The following GPHN variants were observed in gnomAD, a reference collection of about 807,000 sequenced individuals.
GPHN encodes gephyrin.
In GPHN, 17 loss-of-function variants were observed where a neutral mutation model predicts 95.5. The observed-to-expected ratio is 0.18, with a 90% CI of 0.12 to 0.27. The LOEUF is 0.27. Among genes scored for constraint, GPHN ranks in the 10% least tolerant of loss-of-function variants. GPHN has a pLI of 1.00. For synonymous variants in GPHN, 320 were observed against 322.5 expected (o/e 0.99, Z 0.08); for missense variants, 660 against 978.1 (o/e 0.67, Z 4.34).
At chr14:67,343,261 A>G in the GPHN span, 1 of 758,354 alleles carries the variant, frequency 1.3e-6, no homozygotes, top group Non-Finnish European at 2.1e-6. Context: ...GGGCAAGGGA[A>G]GCATCTTATT....
At chr14:67,401,206 G>T in the GPHN span, among the ~76,000 whole-genome samples, 7 of 152,010 alleles carry the variant, frequency 4.6e-5, no homozygotes, top group African/African-American at 1.4e-4. Flanking sequence ...GGTGATTTAG[G>T]TTGGCTGCGG....
intron 1 of GPHN, among the ~76,000 whole-genome samples, chr14:66,665,279 C>T (rs555618203): frequency 1.3e-5 from 2 of 152,170 alleles, no homozygotes; most frequent in East Asian, 3.9e-4. Context: ...AAAGATAAAT[C>T]GAGCTTTATC....
chr14:66,558,631 T>C (rs185679563), intron 1 of GPHN, among the ~76,000 whole-genome samples: 38 of 152,328 alleles, frequency 2.5e-4, no homozygotes, highest in African/African-American at 7.0e-4. Context: ...ACTTTACTTT[T>C]TAATTGCTTA....
intron 5 of GPHN, among the ~76,000 whole-genome samples, chr14:66,892,618 A>T (rs2064575425): frequency 6.6e-6 from 1 of 152,246 alleles, no homozygotes. Flanking sequence ...TTGCTACAAC[A>T]TAAATGAATC....
chr14:67,396,151 TTTTG>T, the GPHN span, among the ~76,000 whole-genome samples: 5 of 151,890 alleles, frequency 3.3e-5, no homozygotes, highest in African/African-American at 1.2e-4. Flanking sequence ...TTGTTTTGTT[TTTTG>T]TTTTTTTCTT....
chr14:66,862,527 TAAGA>T (rs942418336), intron 4 of GPHN, among the ~76,000 whole-genome samples: 43 of 151,976 alleles, frequency 2.8e-4, no homozygotes, highest in African/African-American at 1.0e-3. Flanking sequence ...CCAAGACATG[TAAGA>T]AAGAAAAGAA....
At chr14:67,525,819 G>A in the GPHN span, among the ~76,000 whole-genome samples, 4 of 152,274 alleles carry the variant, frequency 2.6e-5, no homozygotes, top group African/African-American at 9.6e-5. Context: ...AGTGTCTTTT[G>A]TTCCAGAGAT....
chr14:66,682,729 G>A (rs895773922), intron 2 of GPHN, among the ~76,000 whole-genome samples: 4 of 152,078 alleles, frequency 2.6e-5, no homozygotes, highest in Non-Finnish European at 5.9e-5. Context: ...CAGCCTGGGC[G>A]ACAGAGCGAG....
chr14:66,665,337 T>G (rs2065889307), intron 1 of GPHN, among the ~76,000 whole-genome samples: 3 of 152,164 alleles, frequency 2.0e-5, no homozygotes, highest in African/African-American at 4.8e-5. Context: ...AGAAAATTTT[T>G]GCAATCTACT....
intron 6 of GPHN, among the ~76,000 whole-genome samples, chr14:66,920,081 A>AC (rs1252444960): frequency 1.3e-5 from 2 of 152,080 alleles, no homozygotes. Context: ...AAACAAACAA[A>AC]AAAAAATGGT....
At chr14:66,872,821 G>A (rs1231416278) in intron 4 of GPHN, among the ~76,000 whole-genome samples, 2 of 151,738 alleles carry the variant, frequency 1.3e-5, no homozygotes, top group African/African-American at 4.8e-5. Context: ...CTTGAACCCG[G>A]GAGACGGAGT....
chr14:67,608,084 A>C, the GPHN span, among the ~76,000 whole-genome samples: 3 of 151,978 alleles, frequency 2.0e-5, no homozygotes, highest in Non-Finnish European at 1.5e-5. Context: ...CAAAAAAAAA[A>C]ATCAAAAAAA....
chr14:66,667,855 A>G (rs1270873792), intron 1 of GPHN, among the ~76,000 whole-genome samples: 1 of 152,220 alleles, frequency 6.6e-6, no homozygotes, highest in Non-Finnish European at 1.5e-5. Context: ...TAAATAGACA[A>G]CCTACACAAT....
chr14:67,047,326 GTGTGTGTT>G (rs764758246), intron 10 of GPHN, among the ~76,000 whole-genome samples: 1,211 of 95,548 alleles, frequency 0.013, 15 homozygotes, highest in Non-Finnish European at 0.02. Context: ...TTTTGTGTGT[GTGTGTGTT>G]TGTGTGTGTG....
the GPHN span, among the ~76,000 whole-genome samples, chr14:67,324,295 A>G: frequency 1.3e-5 from 2 of 152,216 alleles, no homozygotes; most frequent in Admixed American, 1.3e-4. Context: ...GAGGTAGTCC[A>G]TGTCATATTA....
intron 4 of GPHN, among the ~76,000 whole-genome samples, chr14:66,837,612 TAAAAATAA>T (rs954105560): frequency 1.6e-5 from 2 of 126,872 alleles, no homozygotes; most frequent in South Asian, 2.4e-4. Flanking sequence ...AATAAATAAA[TAAAAATAA>T]ATAAATAAAT....
the GPHN span, chr14:67,575,535 T>G: frequency 9.5e-7 from 1 of 1,058,088 alleles, no homozygotes; most frequent in East Asian, 2.5e-5. Flanking sequence ...TGACTGCCAC[T>G]CTATGTCCTG....
chr14:66,530,677 G>A lies in GPHN; in HGVS notation c.64+22086G>A, dbSNP rs984048359. ...GAGCCTGAGTGCACAGTTCCTTACAGCACAGTCCCTCAGGGCTTCCCTTGG... is the reference window on the plus strand; with the variant it reads ...GAGCCTGAGTGCACAGTTCCTTACAACACAGTCCCTCAGGGCTTCCCTTGG... On this transcript the variant is annotated intron_variant, in intron 1 of 22. Transcript: ENST00000478722. Among the ~76,000 whole-genome samples, 3 of 152,104 alleles carry A rather than the reference G, an allele frequency of 2.0e-5. No homozygotes were observed. In the South Asian group the frequency reaches 6.2e-4, roughly 32 times the overall value.
intron 11 of GPHN, among the ~76,000 whole-genome samples, chr14:67,071,147 G>T (rs1480274640): frequency 3.3e-5 from 5 of 152,120 alleles, no homozygotes; most frequent in Admixed American, 6.5e-5. Flanking sequence ...ATACCCAAAG[G>T]ATTATAAATG....
Sources: gnomAD v4.1 joint callset for allele counts (sites outside exome capture counted in the v4.1 genomes callset) on GRCh38, gnomAD v4.1.1 for gene constraint, MANE v1.5 for transcripts, NCBI Gene and HGNC (gene_info 2026-07-23, HGNC 2026-07-21) for gene names.